Variants in SLCO1B3 observed in about 807,000 individuals in gnomAD.
The protein encoded by SLCO1B3 is solute carrier organic anion transporter family member 1B3.
A neutral mutation model predicts 71.8 loss-of-function variants in SLCO1B3; 72 were observed. The ratio of observed to expected loss-of-function variants is 1.00; its 90% CI spans 0.83 to 1.22. The LOEUF is 1.22. Ranked by LOEUF, SLCO1B3 falls within the 50% of genes most tolerant of loss-of-function variation. The probability of loss-of-function intolerance (pLI) is 0.00; values close to 1 mark genes in which losing one functional copy is unlikely to be tolerated. For missense variants in SLCO1B3, 911 were observed against 819.7 expected, an observed-to-expected ratio of 1.11 and a Z score of -1.36; for synonymous variants, 298 against 278.4, an observed-to-expected ratio of 1.07 and a Z score of -0.70.
intron 2 of SLCO1B3, among the ~76,000 whole-genome samples, chr12:20,815,213 TA>T (rs1365917156): frequency 6.6e-6 from 1 of 152,112 alleles, no homozygotes; most frequent in African/African-American, 2.4e-5. Flanking sequence ...GAGGCTATCC[TA>T]ATCATTATTA....
At chr12:20,861,176 T>G (rs573966731) in intron 6 of SLCO1B3, 38 bp downstream of exon 6, 7 of 1,500,136 alleles carry the variant, frequency 4.7e-6, no homozygotes, top group Admixed American at 4.5e-5. Flanking sequence ...AATTCTAGAT[T>G]GATAGATTTA....
intron 3 of SLCO1B3, among the ~76,000 whole-genome samples, chr12:20,833,351 C>T (rs1249822938): frequency 6.6e-6 from 1 of 151,276 alleles, no homozygotes; most frequent in Non-Finnish European, 1.5e-5. Context: ...ATTACTCTAC[C>T]TAAGGTTATA....
chr12:20,867,232 A>G (rs952890895), intron 8 of SLCO1B3, among the ~76,000 whole-genome samples: 1 of 152,168 alleles, frequency 6.6e-6, no homozygotes, highest in African/African-American at 2.4e-5. Context: ...AATACTGTGG[A>G]AGAGAACCCC....
chr12:20,870,482 T>C (rs962632587), intron 8 of SLCO1B3, among the ~76,000 whole-genome samples: 1 of 152,194 alleles, frequency 6.6e-6, no homozygotes, highest in Non-Finnish European at 1.5e-5. Context: ...AATTTTAGTC[T>C]TCAACATAGT....
intron 3 of SLCO1B3, among the ~76,000 whole-genome samples, chr12:20,846,535 C>T (rs937508375): frequency 6.6e-6 from 1 of 152,038 alleles, no homozygotes; most frequent in African/African-American, 2.4e-5. Context: ...GTAATAAAAA[C>T]AATGACAATG....
intron 3 of SLCO1B3, among the ~76,000 whole-genome samples, chr12:20,853,005 G>C (rs1865054744): frequency 6.6e-6 from 1 of 151,970 alleles, no homozygotes; most frequent in Non-Finnish European, 1.5e-5. Flanking sequence ...TGTTTTTTCT[G>C]CATTAATTGA....
chr12:20,861,810 GATTA>G (rs944511839), intron 6 of SLCO1B3, among the ~76,000 whole-genome samples: 1 of 151,886 alleles, frequency 6.6e-6, no homozygotes, highest in Admixed American at 6.6e-5. Context: ...TCTTTCTGGA[GATTA>G]ATTTTCAATA....
chr12:20,850,734 A>G (rs1193243900), intron 3 of SLCO1B3, among the ~76,000 whole-genome samples: 1 of 152,102 alleles, frequency 6.6e-6, no homozygotes, highest in African/African-American at 2.4e-5. Flanking sequence ...TTTTGTTCAC[A>G]CTTATAAGTG....
chr12:20,909,266 C>T (rs1189467794), intron 15 of SLCO1B3, among the ~76,000 whole-genome samples: 7 of 149,812 alleles, frequency 4.7e-5, no homozygotes, highest in African/African-American at 1.2e-4. Flanking sequence ...CCCAGGTTCA[C>T]GCCATTCTTC....
intron 3 of SLCO1B3, among the ~76,000 whole-genome samples, chr12:20,825,314 C>T (rs533969942): frequency 1.3e-5 from 2 of 152,114 alleles, no homozygotes; most frequent in South Asian, 2.1e-4. Context: ...AGACGCATGT[C>T]TTCTGTGACA....
chr12:20,860,910 G>C, intron 5 of SLCO1B3, 107 bp from the exon 6 acceptor site: 1 of 1,108,628 alleles, frequency 9.0e-7, no homozygotes, highest in Non-Finnish European at 1.3e-6. Flanking sequence ...CTGGTAATTT[G>C]GAGAAGACAG....
intron 13 of SLCO1B3, among the ~76,000 whole-genome samples, chr12:20,895,700 T>G (rs1010957563): frequency 1.3e-5 from 2 of 152,108 alleles, no homozygotes; most frequent in Admixed American, 6.6e-5. Context: ...ACTGACAGCT[T>G]CTGGGATCTG....
chr12:20,914,719 T>C (rs1025377025), intron 15 of SLCO1B3, among the ~76,000 whole-genome samples: 1 of 152,158 alleles, frequency 6.6e-6, no homozygotes, highest in Non-Finnish European at 1.5e-5. Flanking sequence ...AGTCCCTCAA[T>C]TTTTGTTTGT....
At chr12:20,869,384 T>G (rs1266873778) in intron 8 of SLCO1B3, among the ~76,000 whole-genome samples, 1 of 134,466 alleles carries the variant, frequency 7.4e-6, no homozygotes, top group Non-Finnish European at 1.6e-5. Context: ...TTTTCCTAGG[T>G]TATGATTATA....
chr12:20,853,173 A>T (rs1865056825), intron 3 of SLCO1B3, among the ~76,000 whole-genome samples: 1 of 152,048 alleles, frequency 6.6e-6, no homozygotes, highest in South Asian at 2.1e-4. Context: ...CTAGTATTAC[A>T]TTTAGGAGTT....
At chr12:20,845,315 G>GT (rs370996206) in intron 3 of SLCO1B3, 3 of 19,808 alleles carry the variant, frequency 1.5e-4, no homozygotes, top group Non-Finnish European at 1.1e-3. Context: ...TCAACAATGA[G>GT]TAGAAACATC....
chr12:20,862,012 C>T (rs1865276340), intron 6 of SLCO1B3, among the ~76,000 whole-genome samples: 1 of 152,016 alleles, frequency 6.6e-6, no homozygotes, highest in Non-Finnish European at 1.5e-5. Context: ...ATTCAACACA[C>T]TACTATGCAG....
intron 8 of SLCO1B3, among the ~76,000 whole-genome samples, chr12:20,865,720 C>T (rs982809625): frequency 6.6e-6 from 1 of 151,910 alleles, no homozygotes; most frequent in Non-Finnish European, 1.5e-5. Flanking sequence ...ATTGTGAATA[C>T]ATAAAATATA....
rs574734150 is a variant in SLCO1B3 at position 20,822,314 on chromosome 12, G to A, written c.84+6492G>A. ...AGTGAAGGGAGATAAGGGTGGGGCCGTTTTATAGGATTTGGGAAGGTAAAG... is the reference window on the plus strand; with the variant it reads ...AGTGAAGGGAGATAAGGGTGGGGCCATTTTATAGGATTTGGGAAGGTAAAG... On this transcript the variant is annotated intron_variant, in intron 3 of 15. Transcript: ENST00000381545. Among the ~76,000 whole-genome samples the A allele has an allele frequency of 3.0e-4, 45 of 151,972 alleles. No individual in the cohort carries two copies. In the South Asian group the frequency reaches 5.6e-3, roughly 19 times the overall value.
Sources: gnomAD v4.1 joint callset for allele counts (sites outside exome capture counted in the v4.1 genomes callset) on GRCh38, gnomAD v4.1.1 for gene constraint, MANE v1.5 for transcripts, NCBI Gene and HGNC (gene_info 2026-07-23, HGNC 2026-07-21) for gene names.